The following PRKCE variants were observed in gnomAD, a reference collection of about 807,000 sequenced individuals.
PRKCE encodes the protein protein kinase C epsilon type.
PRKCE carries 16 observed loss-of-function variants against 85.4 expected under a neutral mutation model. The observed-to-expected ratio is 0.19, with a 90% CI of 0.13 to 0.28. PRKCE has a LOEUF of 0.28. Ranked by LOEUF, PRKCE falls within the 10% of genes least tolerant of loss-of-function variation. The pLI, the probability that PRKCE is intolerant of heterozygous loss-of-function variation, is 1.00. For synonymous variants in PRKCE, 388 were observed against 371.5 expected, an observed-to-expected ratio of 1.04 and a Z score of -0.51; for missense variants, 573 against 975.2, an observed-to-expected ratio of 0.59 and a Z score of 5.49.
At chr2:45,795,165 T>A (rs1344692037) in intron 1 of PRKCE, among the ~76,000 whole-genome samples, 1 of 152,124 alleles carries the variant, frequency 6.6e-6, no homozygotes, top group Non-Finnish European at 1.5e-5. Context: ...AGCCTCACAG[T>A]TTCTGGTCTT....
At chr2:45,768,975 A>G (rs59719118) in intron 1 of PRKCE, among the ~76,000 whole-genome samples, 7 of 152,220 alleles carry the variant, frequency 4.6e-5, no homozygotes, top group Non-Finnish European at 8.8e-5. Context: ...TGCTACTGAC[A>G]TGTTCACCTC....
At chr2:46,141,169 CA>C (rs1455029497) in intron 11 of PRKCE, among the ~76,000 whole-genome samples, 2 of 152,108 alleles carry the variant, frequency 1.3e-5, no homozygotes, top group African/African-American at 4.8e-5. Flanking sequence ...CACATATGTG[CA>C]AAATGTCCTA....
chr2:46,078,371 T>TAA (rs11387144), intron 10 of PRKCE: 3,455 of 128,088 alleles, frequency 0.027, 129 homozygotes, highest in African/African-American at 0.073. Flanking sequence ...CTCTTGTCTC[T>TAA]AAAAAAAAAA....
At chr2:45,995,818 G>A (rs1704166845) in intron 6 of PRKCE, among the ~76,000 whole-genome samples, 1 of 152,040 alleles carries the variant, frequency 6.6e-6, no homozygotes, top group Non-Finnish European at 1.5e-5. Flanking sequence ...CTTCAATATT[G>A]TGTTAGCCTT....
At chr2:45,799,996 G>A (rs1256113997) in intron 1 of PRKCE, among the ~76,000 whole-genome samples, 1 of 152,196 alleles carries the variant, frequency 6.6e-6, no homozygotes, top group Non-Finnish European at 1.5e-5. Context: ...TTCCATGGTG[G>A]GTCCTGGGGA....
At chr2:46,031,277 G>A (rs1257982260) in intron 10 of PRKCE, among the ~76,000 whole-genome samples, 1 of 152,138 alleles carries the variant, frequency 6.6e-6, no homozygotes, top group African/African-American at 2.4e-5. Flanking sequence ...TCAGCCTGCT[G>A]TCTTCGATCT....
At chr2:45,871,234 C>G (rs1465706864) in intron 2 of PRKCE, among the ~76,000 whole-genome samples, 2 of 152,220 alleles carry the variant, frequency 1.3e-5, no homozygotes, top group Non-Finnish European at 2.9e-5. Flanking sequence ...AGGGGAGTCT[C>G]ATTTGTGTAT....
At chr2:45,881,505 A>G (rs1024840051) in intron 2 of PRKCE, among the ~76,000 whole-genome samples, 1 of 152,236 alleles carries the variant, frequency 6.6e-6, no homozygotes, top group Non-Finnish European at 1.5e-5. Flanking sequence ...CAGTTAAAAT[A>G]TTTTATATTC....
chr2:45,803,788 C>T (rs937993125), intron 1 of PRKCE, among the ~76,000 whole-genome samples: 1 of 152,154 alleles, frequency 6.6e-6, no homozygotes, highest in African/African-American at 2.4e-5. Flanking sequence ...CAGAGTGCTT[C>T]CCTCCAAAAT....
At position 45,774,317 on chromosome 2, in the gene PRKCE, A is replaced by C. The variant is rs1018636693; in HGVS notation, c.349-68683A>C. Among the ~76,000 whole-genome samples, 8 of 152,084 alleles carry C rather than the reference A, an allele frequency of 5.3e-5. No homozygotes were observed. Among genetic ancestry groups the C allele is most frequent in the African/African-American group, 1.7e-4 (7 of 41,442 alleles). ...CAGCCTGGCAGGGCAGCCTCATCTC[A>C]TCTTCTGTAGCTCCCAGCCTTCCAC... On this transcript the variant is annotated intron_variant, in intron 1 of 14. Transcript: ENST00000306156. The surrounding 1 kb of genome is among the most constrained non-coding windows in gnomAD (Gnocchi z 4.3).
chr2:46,111,101 T>A (rs541934342), intron 11 of PRKCE, among the ~76,000 whole-genome samples: 1 of 152,214 alleles, frequency 6.6e-6, no homozygotes, highest in Non-Finnish European at 1.5e-5. Flanking sequence ...TTTTCTGGTC[T>A]GGATGTGATC....
intron 1 of PRKCE, among the ~76,000 whole-genome samples, chr2:45,690,854 C>T (rs1677672339): frequency 1.3e-5 from 2 of 152,212 alleles, no homozygotes; most frequent in African/African-American, 4.8e-5. Flanking sequence ...CCAGAGTTCC[C>T]AGAGTTTAGG....
intron 14 of PRKCE, among the ~76,000 whole-genome samples, chr2:46,173,892 A>G (rs1679164048): frequency 6.6e-6 from 1 of 152,170 alleles, no homozygotes; most frequent in Non-Finnish European, 1.5e-5. Context: ...CTTTTTTCCT[A>G]AAGTAACTTC....
At chr2:45,975,951 A>T (rs963875873) in intron 2 of PRKCE, among the ~76,000 whole-genome samples, 1 of 152,108 alleles carries the variant, frequency 6.6e-6, no homozygotes, top group African/African-American at 2.4e-5. Context: ...GGGTGTGGAG[A>T]TTCATCTCAT....
intron 6 of PRKCE, among the ~76,000 whole-genome samples, chr2:45,997,977 T>C (rs1232087807): frequency 6.6e-6 from 1 of 152,264 alleles, no homozygotes; most frequent in Non-Finnish European, 1.5e-5. Flanking sequence ...CTTTCTCTTA[T>C]TGATTTCCAG....
At chr2:45,665,309 T>C (rs1572886132) in intron 1 of PRKCE, among the ~76,000 whole-genome samples, 1 of 152,194 alleles carries the variant, frequency 6.6e-6, no homozygotes, top group Non-Finnish European at 1.5e-5. Context: ...GGAGGTCTTG[T>C]TCTTCTGCTT....
chr2:45,766,637 A>G (rs1383777598), intron 1 of PRKCE, among the ~76,000 whole-genome samples: 1 of 152,222 alleles, frequency 6.6e-6, no homozygotes, highest in Non-Finnish European at 1.5e-5. Flanking sequence ...GGATGGCCTA[A>G]TAGGCAGGGT....
intron 1 of PRKCE, among the ~76,000 whole-genome samples, chr2:45,750,876 A>G (rs1371595949): frequency 6.6e-6 from 1 of 152,206 alleles, no homozygotes; most frequent in Non-Finnish European, 1.5e-5. Flanking sequence ...AGGCCCCTTC[A>G]GTGGTCTTTC....
intron 1 of PRKCE, among the ~76,000 whole-genome samples, chr2:45,808,665 C>T (rs771306632): frequency 4.6e-5 from 7 of 152,128 alleles, no homozygotes; most frequent in Non-Finnish European, 7.4e-5. Context: ...TGTCTCTGCA[C>T]GTGACCCTGC....
Sources: gnomAD v4.1 joint callset for allele counts (sites outside exome capture counted in the v4.1 genomes callset) on GRCh38, gnomAD v4.1.1 for gene constraint, Gnocchi (gnomAD v3.1) non-coding constraint, MANE v1.5 for transcripts, NCBI Gene and HGNC (gene_info 2026-07-23, HGNC 2026-07-21) for gene names.